KALRN: variants seen among roughly 807,000 people sequenced by gnomAD.
The protein encoded by KALRN is kalirin.
In KALRN, 70 loss-of-function variants were observed where a neutral mutation model predicts 353.7. The ratio of observed to expected loss-of-function variants is 0.20; its 90% CI spans 0.16 to 0.24. The LOEUF (loss-of-function observed/expected upper bound fraction) is 0.24, where lower values mean the gene tolerates loss of function less well. KALRN is among the 10% of genes least tolerant of loss of function. KALRN has a pLI of 1.00. For synonymous variants in KALRN, 1,391 were observed against 1,434.8 expected (o/e 0.97, Z 0.69); for missense variants, 2,791 against 3,756.7 (o/e 0.74, Z 6.72).
chr3:124,642,806 G>GTTTTTTTTTTGTTGTTTTTTTTTT (rs1553707031), intron 37 of KALRN, among the ~76,000 whole-genome samples: 2 of 96,820 alleles, frequency 2.1e-5, no homozygotes, highest in East Asian at 4.8e-4. Context: ...CCCAAGCCTC[G>GTTTTTTTTTTGTTGTTTTTTTTTT]TTTTTTTTTT....
intron 1 of KALRN, among the ~76,000 whole-genome samples, chr3:124,105,412 G>T (rs377577032): frequency 1.3e-5 from 2 of 152,218 alleles, no homozygotes; most frequent in South Asian, 4.1e-4. Context: ...CATTTGCCAA[G>T]AAGTGATGGT....
chr3:124,340,652 C>A (rs1220870992), intron 9 of KALRN, among the ~76,000 whole-genome samples: 1 of 152,062 alleles, frequency 6.6e-6, no homozygotes, highest in Non-Finnish European at 1.5e-5. Context: ...GTTAATAATT[C>A]TCTTCAAAAG....
chr3:124,368,183 C>CG (rs1231955864), intron 10 of KALRN, among the ~76,000 whole-genome samples: 12 of 76,626 alleles, frequency 1.6e-4, no homozygotes, highest in Admixed American at 1.4e-3. Context: ...GCTGGCCGGG[C>CG]GGGGGGCTGA....
chr3:124,349,991 G>A (rs2149581592), intron 10 of KALRN, among the ~76,000 whole-genome samples: 1 of 152,302 alleles, frequency 6.6e-6, no homozygotes, highest in Admixed American at 6.5e-5. Flanking sequence ...TGGGGCTTCT[G>A]CCTGTGGGCT....
At chr3:124,368,262 G>A (rs1198678105) in intron 10 of KALRN, among the ~76,000 whole-genome samples, 46 of 147,322 alleles carry the variant, frequency 3.1e-4, no homozygotes, top group Non-Finnish European at 6.1e-4. Flanking sequence ...CCTCCCTCCC[G>A]GACGGGGCGG....
intron 10 of KALRN, among the ~76,000 whole-genome samples, chr3:124,371,877 G>A (rs1208783311): frequency 6.6e-6 from 1 of 152,136 alleles, no homozygotes; most frequent in Non-Finnish European, 1.5e-5. Flanking sequence ...CTATCAAATA[G>A]TAGGTCTTTT....
chr3:124,532,756 C>T (rs1314177390), intron 33 of KALRN, among the ~76,000 whole-genome samples: 2 of 151,960 alleles, frequency 1.3e-5, no homozygotes, highest in African/African-American at 4.8e-5. Context: ...AGCTGAGATC[C>T]CACCACTGCA....
At chr3:124,250,873 G>T (rs2071050207) in intron 3 of KALRN, among the ~76,000 whole-genome samples, 1 of 152,178 alleles carries the variant, frequency 6.6e-6, no homozygotes, top group Non-Finnish European at 1.5e-5. Context: ...GCTCTGTGAG[G>T]GAGGGTGGGA....
rs146360002 is a variant in KALRN at position 124,269,180 on chromosome 3, C to T, written c.894C>T (p.His298=). The change falls in exon 5 of 60, where the codon CAC becomes CAT. Residue 298 remains histidine, a synonymous_variant. Coordinates refer to ENST00000682506, the MANE Select transcript of KALRN (RefSeq NM_001388419.1). ...DKLHSTRQHL[H]QMWHVRKLKL... Reference sequence around the variant, plus strand: ...TGCACTCCACCCGGCAGCACCTGCACCAGATGTGGCATGTGCGCAAGCTCA... The same window carrying T: ...TGCACTCCACCCGGCAGCACCTGCATCAGATGTGGCATGTGCGCAAGCTCA... The T allele has an allele frequency of 8.4e-4, 1,347 of 1,612,932 alleles. 4 individuals are homozygous for T. Among genetic ancestry groups the T allele is most frequent in the Middle Eastern group, 3.9e-3 (23 of 5,962 alleles).
intron 51 of KALRN, among the ~76,000 whole-genome samples, chr3:124,684,006 T>C (rs678633): frequency 0.59 from 89,584 of 152,010 alleles, 26,596 homozygotes; most frequent in Middle Eastern, 0.68. Context: ...TTTGAGTGTG[T>C]GGTTCAATGG....
intron 3 of KALRN, among the ~76,000 whole-genome samples, chr3:124,241,807 G>T (rs1197093354): frequency 2.0e-5 from 3 of 152,170 alleles, no homozygotes; most frequent in Non-Finnish European, 2.9e-5. Flanking sequence ...GACTGGGAGT[G>T]GGGAGACTTC....
chr3:124,629,355 A>G (rs2080472651), intron 34 of KALRN, among the ~76,000 whole-genome samples: 1 of 152,228 alleles, frequency 6.6e-6, no homozygotes, highest in Admixed American at 6.5e-5. Flanking sequence ...AGTTGCCAAG[A>G]TTCGTTAAAA....
At chr3:124,293,428 TAAAA>T (rs998804142) in intron 5 of KALRN, among the ~76,000 whole-genome samples, 12 of 152,162 alleles carry the variant, frequency 7.9e-5, no homozygotes, top group Non-Finnish European at 1.0e-4. Context: ...TTATGCTTCT[TAAAA>T]AAAGAACAAT....
intron 3 of KALRN, among the ~76,000 whole-genome samples, chr3:124,242,710 G>A (rs1434104984): frequency 6.6e-6 from 1 of 152,148 alleles, no homozygotes; most frequent in Non-Finnish European, 1.5e-5. Context: ...AGAAATACAG[G>A]TGGTAATTAC....
intron 23 of KALRN, among the ~76,000 whole-genome samples, chr3:124,457,898 T>C (rs2059478507): frequency 6.6e-6 from 1 of 152,190 alleles, no homozygotes; most frequent in Non-Finnish European, 1.5e-5. Context: ...TACTTCAAAA[T>C]ACTTTCTAGT....
At chr3:124,385,949 G>T (rs1454908295) in intron 11 of KALRN, among the ~76,000 whole-genome samples, 2 of 151,436 alleles carry the variant, frequency 1.3e-5, no homozygotes, top group African/African-American at 4.9e-5. Context: ...TTTGATTGCT[G>T]CTCAGGAAAA....
intron 5 of KALRN, among the ~76,000 whole-genome samples, chr3:124,277,370 C>T (rs1448745326): frequency 6.6e-6 from 1 of 152,152 alleles, no homozygotes; most frequent in Non-Finnish European, 1.5e-5. Flanking sequence ...CAAACCCCTC[C>T]ACCTCCTGTT....
chr3:124,086,848 A>T (rs1048267388), intron 1 of KALRN, among the ~76,000 whole-genome samples: 2 of 152,206 alleles, frequency 1.3e-5, no homozygotes, highest in African/African-American at 4.8e-5. Context: ...TTGTAAATAT[A>T]AGCAAATCAG....
intron 1 of KALRN, among the ~76,000 whole-genome samples, chr3:124,155,629 T>A (rs1441705116): frequency 6.6e-6 from 1 of 152,188 alleles, no homozygotes; most frequent in East Asian, 1.9e-4. Flanking sequence ...ATCCTCTCCA[T>A]TAGAAGATGG....
Sources: allele counts gnomAD v4.1 joint callset (sites outside exome capture counted in the v4.1 genomes callset), GRCh38; gene constraint gnomAD v4.1.1; transcripts MANE v1.5; gene names NCBI Gene and HGNC (gene_info 2026-07-23, HGNC 2026-07-21).